KCND2: variants seen among roughly 807,000 people sequenced by gnomAD.
KCND2 encodes potassium voltage-gated channel subfamily D member 2.
Under a neutral mutation model 54.4 loss-of-function variants are expected in KCND2, and 16 were observed. The ratio of observed to expected loss-of-function variants is 0.29; its 90% CI spans 0.20 to 0.45. The LOEUF is 0.45. KCND2 is among the 20% of genes least tolerant of loss of function. The pLI is 1.00. For synonymous variants in KCND2, 317 were observed against 310.7 expected (o/e 1.02, Z -0.21); for missense variants, 486 against 824.2 (o/e 0.59, Z 5.02).
intron 1 of KCND2, among the ~76,000 whole-genome samples, chr7:120,528,747 G>C (rs2116360238): frequency 6.6e-6 from 1 of 152,178 alleles, no homozygotes; most frequent in East Asian, 1.9e-4. Context: ...TTTGGAATTA[G>C]CTCTTTCCTA....
chr7:120,418,188 A>G (rs1584770532), intron 1 of KCND2, among the ~76,000 whole-genome samples: 1 of 152,174 alleles, frequency 6.6e-6, no homozygotes, highest in Non-Finnish European at 1.5e-5. Flanking sequence ...ACTTTATCAT[A>G]TTAATGCCAA....
At chr7:120,510,851 A>C (rs1584807633) in intron 1 of KCND2, among the ~76,000 whole-genome samples, 1 of 150,644 alleles carries the variant, frequency 6.6e-6, no homozygotes, top group African/African-American at 2.4e-5. Flanking sequence ...TCCTCCTTCT[A>C]CCCCCAACCC....
intron 1 of KCND2, among the ~76,000 whole-genome samples, chr7:120,365,929 G>A (rs1800671476): frequency 6.6e-6 from 1 of 152,036 alleles, no homozygotes; most frequent in Admixed American, 6.6e-5. Context: ...ATATTTAATA[G>A]ACATTTAAAA....
At chr7:120,564,783 T>C (rs1584830196) in intron 1 of KCND2, among the ~76,000 whole-genome samples, 1 of 152,228 alleles carries the variant, frequency 6.6e-6, no homozygotes, top group African/African-American at 2.4e-5. Context: ...ATTTATGTTC[T>C]CACTCCTAGA....
At chr7:120,472,404 T>C (rs1802470895) in intron 1 of KCND2, among the ~76,000 whole-genome samples, 1 of 152,066 alleles carries the variant, frequency 6.6e-6, no homozygotes, top group African/African-American at 2.4e-5. Context: ...TTAGAGCTCA[T>C]TGTGCTATGG....
chr7:120,336,365 G>C (rs1052186597), intron 1 of KCND2, among the ~76,000 whole-genome samples: 4 of 151,992 alleles, frequency 2.6e-5, no homozygotes, highest in African/African-American at 9.7e-5. Flanking sequence ...TTTCTTTTTA[G>C]GGTCATATAT....
At chr7:120,590,378 A>T (rs75913245) in intron 1 of KCND2, among the ~76,000 whole-genome samples, 2,461 of 152,238 alleles carry the variant, frequency 0.016, 57 homozygotes, top group African/African-American at 0.055. Flanking sequence ...GTCATAAAAA[A>T]GATACAGCTT....
intron 1 of KCND2, among the ~76,000 whole-genome samples, chr7:120,578,918 A>T (rs1018694625): frequency 3.2e-5 from 4 of 124,456 alleles, no homozygotes; most frequent in East Asian, 2.0e-4. Flanking sequence ...ACCCTGTCTC[A>T]CACACACACA....
intron 1 of KCND2, among the ~76,000 whole-genome samples, chr7:120,606,720 A>T (rs1226865101): frequency 6.6e-6 from 1 of 151,860 alleles, no homozygotes; most frequent in East Asian, 1.9e-4. Context: ...TTTCATTGAT[A>T]TGTGTATGTA....
At position 120,363,381 on chromosome 7, in the gene KCND2, A is replaced by C. The variant is rs149967600; in HGVS notation, c.1115+87634A>C. 7.9e-5 allele frequency among the ~76,000 whole-genome samples: 12 copies of C among 152,220 alleles called. No homozygotes were observed. In the East Asian group the frequency reaches 1.6e-3, roughly 20 times the overall value. ...AAACTAAATTTCTGATATTCCTCAT[A>C]AAATCTCCTCTAACCACATTTTAGC... is the stretch of plus-strand genomic sequence containing the variant. On this transcript the variant is annotated intron_variant, in intron 1 of 5. Coordinates refer to ENST00000331113, the MANE Select transcript of KCND2 (RefSeq NM_012281.3).
intron 1 of KCND2, among the ~76,000 whole-genome samples, chr7:120,610,163 C>G (rs890308383): frequency 6.6e-6 from 1 of 152,042 alleles, no homozygotes; most frequent in African/African-American, 2.4e-5. Context: ...TTTTATTGCC[C>G]TTAACTTGAA....
At chr7:120,650,124 G>T (rs908830808) in intron 1 of KCND2, among the ~76,000 whole-genome samples, 26 of 150,168 alleles carry the variant, frequency 1.7e-4, no homozygotes, top group Non-Finnish European at 7.4e-5. Flanking sequence ...GAGTATCTTT[G>T]TGGCATTCTC....
intron 1 of KCND2, among the ~76,000 whole-genome samples, chr7:120,504,942 A>C (rs1482820767): frequency 6.6e-6 from 1 of 151,602 alleles, no homozygotes; most frequent in Non-Finnish European, 1.5e-5. Context: ...TGGATAAGAC[A>C]CTTAGAAATA....
chr7:120,516,574 C>A (rs1170848732), intron 1 of KCND2, among the ~76,000 whole-genome samples: 1 of 152,034 alleles, frequency 6.6e-6, no homozygotes, highest in Non-Finnish European at 1.5e-5. Flanking sequence ...CAATGAAGAT[C>A]TTTATGTTAC....
intron 1 of KCND2, among the ~76,000 whole-genome samples, chr7:120,667,954 A>G (rs1160724713): frequency 6.6e-6 from 1 of 152,030 alleles, no homozygotes; most frequent in African/African-American, 2.4e-5. Flanking sequence ...AGCCCTAACC[A>G]GAAGCCAGAA....
At chr7:120,715,396 A>G (rs1365386143) in intron 1 of KCND2, among the ~76,000 whole-genome samples, 1 of 152,040 alleles carries the variant, frequency 6.6e-6, no homozygotes, top group African/African-American at 2.4e-5. Context: ...TAACCTATTT[A>G]CTTCATGTTA....
At chr7:120,575,600 T>C (rs1200635164) in intron 1 of KCND2, among the ~76,000 whole-genome samples, 1 of 152,178 alleles carries the variant, frequency 6.6e-6, no homozygotes, top group Admixed American at 6.5e-5. Flanking sequence ...AAGTTGACAG[T>C]CAGTATTAAC....
At chr7:120,653,218 G>A (rs959982440) in intron 1 of KCND2, among the ~76,000 whole-genome samples, 1 of 119,340 alleles carries the variant, frequency 8.4e-6, no homozygotes. Context: ...TTTTTTTTTT[G>A]TATTTTTGGT....
rs532134288 is a variant in KCND2, at chr7:120,560,933, C to T, written c.1116-171970C>T. On this transcript the variant is annotated intron_variant, in intron 1 of 5. Coordinates refer to ENST00000331113, the MANE Select transcript of KCND2 (RefSeq NM_012281.3). ...ATGCTACAAAAATTTGACCAAGGTA[C>T]CAAAATGTCCAATTGTTATACTGAA... 2.0e-5 allele frequency among the ~76,000 whole-genome samples: 3 copies of T among 152,214 alleles called. No individual in the cohort carries two copies. In the South Asian group the frequency reaches 6.2e-4, roughly 32 times the overall value.
Sources: gnomAD v4.1 joint callset for allele counts (sites outside exome capture counted in the v4.1 genomes callset) on GRCh38, gnomAD v4.1.1 for gene constraint, MANE v1.5 for transcripts, NCBI Gene and HGNC (gene_info 2026-07-23, HGNC 2026-07-21) for gene names.